Variants in SPACA6 observed in about 807,000 individuals in gnomAD.
The protein encoded by SPACA6 is sperm acrosome associated 6.
For synonymous variants in SPACA6, 6 were observed against 1.5 expected, an observed-to-expected ratio of 4.05 and a Z score of -2.21; for missense variants, 8 against 2.8, an observed-to-expected ratio of 2.88 and a Z score of -1.34.
At chr19:51,708,391 G>C (rs1347954374), downstream of SPACA6, among the ~76,000 whole-genome samples, 1 of 152,232 alleles carries the variant, frequency 6.6e-6, no homozygotes, top group African/African-American at 2.4e-5. Flanking sequence ...ATGTGTGATG[G>C]AGAAGATAAG....
intron 2 of SPACA6, among the ~76,000 whole-genome samples, chr19:51,695,166 A>G (rs75614187): frequency 0.078 from 11,873 of 152,202 alleles, 792 homozygotes; most frequent in East Asian, 0.21. Flanking sequence ...AGAGTGGATC[A>G]CTCAGGTGAC....
chr19:51,707,613 C>T (rs1018629055), downstream of SPACA6, among the ~76,000 whole-genome samples: 2 of 152,118 alleles, frequency 1.3e-5, no homozygotes, highest in African/African-American at 2.4e-5. Flanking sequence ...CCAACTCTCC[C>T]GGACACCAGT....
At chr19:51,692,077 A>C (rs1254040051), upstream of SPACA6, among the ~76,000 whole-genome samples, 3 of 139,278 alleles carry the variant, frequency 2.2e-5, no homozygotes, top group Non-Finnish European at 4.8e-5. This position sits in a 1 kb window ranked among gnomAD's most constrained non-coding sequence, Gnocchi z 5.6. Flanking sequence ...AAATGACCCA[A>C]AGAAGGGAGG....
chr19:51,692,423 T>C (rs534798862), upstream of SPACA6, among the ~76,000 whole-genome samples: 7 of 151,524 alleles, frequency 4.6e-5, no homozygotes, highest in East Asian at 9.8e-4. This position sits in a 1 kb window ranked among gnomAD's most constrained non-coding sequence, Gnocchi z 5.6. Context: ...CCAGGAACAT[T>C]TGGGGAGAAA....
chr19:51,701,644 C>G lies in SPACA6; in HGVS notation c.293-14C>G, dbSNP rs141216800. 4 of 398,932 alleles carry G rather than the reference C, an allele frequency of 1.0e-5. No homozygotes were observed. The highest frequency in any genetic ancestry group is 8.2e-5 in the African/African-American group (4 of 48,704). 24.7% of individuals were successfully genotyped at this position (398,932 alleles called of 1,614,324 possible). A position where few individuals can be genotyped will look rare whatever the true frequency, so the allele number is the denominator to read the frequency against. On this transcript the variant is annotated splice_polypyrimidine_tract_variant and intron_variant, in intron 2 of 8. Coordinates refer to ENST00000637797, the MANE Select transcript of SPACA6 (RefSeq NM_001316972.2). ...GGCTTTACTACACAGGCCGTCCTCC[C>G]CTCCACTCTCCAGGATCCTTTGAGG...
chr19:51,710,038 A>G (rs1261562538), downstream of SPACA6, among the ~76,000 whole-genome samples: 1 of 152,246 alleles, frequency 6.6e-6, no homozygotes, highest in East Asian at 1.9e-4. Context: ...CGACTGAGGA[A>G]CTGAATCCAT....
downstream of SPACA6, among the ~76,000 whole-genome samples, chr19:51,708,010 T>C (rs1301341228): frequency 6.6e-6 from 1 of 152,138 alleles, no homozygotes; most frequent in East Asian, 1.9e-4. Flanking sequence ...GTTTAGGGAT[T>C]GTTCTGGAGG....
intron 2 of SPACA6, among the ~76,000 whole-genome samples, chr19:51,700,750 T>C (rs1305314107): frequency 6.6e-6 from 1 of 152,248 alleles, no homozygotes; most frequent in East Asian, 1.9e-4. Flanking sequence ...TATATAAATA[T>C]ATGTAATTGC....
In SPACA6 at chr19:51,693,429, G is replaced by A; in HGVS notation, c.-98G>A. 1 of 623,238 alleles carries A rather than the reference G, an allele frequency of 1.6e-6. No individual in the cohort carries two copies. The allele number at this position is 623,238 out of a possible 1,614,324, so 38.6% of individuals were successfully genotyped here. A position where few individuals can be genotyped will look rare whatever the true frequency, so the allele number is the denominator to read the frequency against. ...AGAGCATGACATTTGACCACCAACT[G>A]AAACCTGACCTCTGACCCCAGACCA... On this transcript the variant is annotated 5_prime_UTR_variant, in exon 1 of 9. Coordinates refer to ENST00000637797, the MANE Select transcript of SPACA6 (RefSeq NM_001316972.2).
chr19:51,697,419 C>T (rs2083438050), intron 2 of SPACA6, among the ~76,000 whole-genome samples: 1 of 152,082 alleles, frequency 6.6e-6, no homozygotes, highest in African/African-American at 2.4e-5. Flanking sequence ...CCAGGCTTGC[C>T]CATGCGTGCA....
At chr19:51,706,479 T>G (rs1358671992), downstream of SPACA6, among the ~76,000 whole-genome samples, 2 of 152,060 alleles carry the variant, frequency 1.3e-5, no homozygotes, top group Non-Finnish European at 2.9e-5. Flanking sequence ...AACATGCAAG[T>G]CTCAGTCCCA....
chr19:51,689,167 T>C (rs62106945), upstream of SPACA6: 138,204 of 152,052 alleles, frequency 0.91, 62,857 homozygotes, highest in East Asian at 1. Context: ...GCGTCAGGCT[T>C]CTCTGGCCCG....
chr19:51,694,715 C>T (rs917566663), intron 2 of SPACA6, among the ~76,000 whole-genome samples, 160 bp downstream of exon 2: 7 of 149,622 alleles, frequency 4.7e-5, no homozygotes, highest in African/African-American at 7.4e-5. Context: ...CTTGTCCAAA[C>T]GAAGGCTGAA....
chr19:51,709,579 C>T (rs1486041102), downstream of SPACA6, among the ~76,000 whole-genome samples: 1 of 131,758 alleles, frequency 7.6e-6, no homozygotes, highest in Non-Finnish European at 1.6e-5. Context: ...TGCACCACTG[C>T]AGTCCAGCCT....
At chr19:51,693,770 T>C (rs985407173) in intron 1 of SPACA6, 30 bp downstream of exon 1, 3 of 404,820 alleles carry the variant, frequency 7.4e-6, no homozygotes, top group African/African-American at 4.1e-5. Flanking sequence ...TTCATCAGTG[T>C]CCTGGGGAAG....
upstream of SPACA6, among the ~76,000 whole-genome samples, chr19:51,691,939 C>A (rs116185360): frequency 7.6e-3 from 1,153 of 152,224 alleles, 18 homozygotes; most frequent in African/African-American, 0.027. Flanking sequence ...TGAGGCTCAG[C>A]CCCCTCACCT....
intron 2 of SPACA6, among the ~76,000 whole-genome samples, chr19:51,696,146 A>G (rs1429097182): frequency 1.3e-5 from 2 of 152,220 alleles, no homozygotes; most frequent in East Asian, 3.9e-4. Context: ...TGAGCAGTGA[A>G]GAAGTAGGGG....
the SPACA6 span, among the ~76,000 whole-genome samples, chr19:51,684,004 A>G: frequency 6.6e-6 from 1 of 152,248 alleles, no homozygotes; most frequent in Non-Finnish European, 1.5e-5. Context: ...ACATAAAATT[A>G]AAGTATCAAG....
chr19:51,703,348 G>A lies in SPACA6; in HGVS notation c.573+11G>A. The A allele has an allele frequency of 7.5e-6, 3 of 399,360 alleles. No individual in the cohort carries two copies. The highest frequency in any genetic ancestry group is 1.3e-3 in the Middle Eastern group (2 of 1,588). 24.7% of individuals were successfully genotyped at this position (399,360 alleles called of 1,614,324 possible). A position where few individuals can be genotyped will look rare whatever the true frequency, so the allele number is the denominator to read the frequency against. On this transcript the variant is annotated intron_variant, in intron 6 of 8. Coordinates refer to ENST00000637797, the MANE Select transcript of SPACA6 (RefSeq NM_001316972.2). This position sits in a 1 kb window ranked among gnomAD's most constrained non-coding sequence, Gnocchi z 4.2. Reference sequence around the variant, plus strand: ...TTCGCAGGAGGAGGTGTGAGTCGGGGCGGGGCCGGCGCGAAGAGTTTAGAC... The same window carrying A: ...TTCGCAGGAGGAGGTGTGAGTCGGGACGGGGCCGGCGCGAAGAGTTTAGAC...
Sources: allele counts gnomAD v4.1 joint callset (sites outside exome capture counted in the v4.1 genomes callset), GRCh38; gene constraint gnomAD v4.1.1; non-coding constraint Gnocchi (gnomAD v3.1); transcripts MANE v1.5; gene names NCBI Gene and HGNC (gene_info 2026-07-23, HGNC 2026-07-21).